Variants in SPRY3 observed in about 807,000 individuals in gnomAD.
SPRY3 encodes the protein protein sprouty homolog 3.
SPRY3 carries 15 observed loss-of-function variants against 20.2 expected under a neutral mutation model. The ratio of observed to expected loss-of-function variants is 0.74; its 90% CI spans 0.50 to 1.14. The LOEUF (loss-of-function observed/expected upper bound fraction) is 1.14. Among genes scored for constraint, SPRY3 ranks in the 50% most tolerant of loss-of-function variants. The pLI is 0.00. For missense variants in SPRY3, 364 were observed against 363.9 expected (o/e 1.00, Z 0.00); for synonymous variants, 143 against 136.5 (o/e 1.05, Z -0.33).
intron 2 of SPRY3, among the ~76,000 whole-genome samples, chrX:155,746,397 G>A (rs495324): frequency 0.54 from 81,833 of 151,624 alleles, 21,563 homozygotes; most frequent in African/African-American, 0.73. Flanking sequence ...TTAACTTTCT[G>A]ATATTGTTAA....
chrX:155,666,863 G>T (rs2068026033), intron 2 of SPRY3, among the ~76,000 whole-genome samples: 1 of 110,284 alleles, frequency 9.1e-6, no homozygotes, highest in Non-Finnish European at 1.9e-5. Flanking sequence ...CTTTGAGGAG[G>T]TTCAATATTT....
exon 4 of SPRY3, chrX:155,774,926 C>G (rs2091414352): frequency 1.5e-6 from 1 of 662,656 alleles, no homozygotes; most frequent in Non-Finnish European, 2.6e-6. Flanking sequence ...CTCACAGTAT[C>G]TATCCCACTC....
intron 3 of SPRY3, among the ~76,000 whole-genome samples, chrX:155,769,205 A>G (rs1297056147): frequency 6.6e-6 from 1 of 152,184 alleles, no homozygotes; most frequent in Admixed American, 6.5e-5. Flanking sequence ...AGGTCTCTCT[A>G]GCTGTGAAAC....
Position 155,682,855 on chromosome X carries a change from T to C in SPRY3, c.-282+25830T>C, listed in dbSNP as rs369187154. On this transcript the variant is annotated intron_variant, in intron 2 of 3. Transcript: ENST00000675360. ...ACATTCTAGATGGCATAAAGAATAT[T>C]CACGATTCATGAGTTGAAGTCAAAA... Among the ~76,000 whole-genome samples the C allele has an allele frequency of 4.5e-5, 5 of 112,149 alleles. No homozygotes were observed. The East Asian group carries it at 1.1e-3, about 25-fold the overall frequency.
chrX:155,740,785 C>T (rs306901), intron 2 of SPRY3, among the ~76,000 whole-genome samples: 18,955 of 146,388 alleles, frequency 0.13, 1,938 homozygotes, highest in African/African-American at 0.3. Flanking sequence ...CTCCTTTTTG[C>T]CCCTTGAATC....
At chrX:155,747,064 A>G (rs1426765290) in intron 2 of SPRY3, among the ~76,000 whole-genome samples, 1 of 151,950 alleles carries the variant, frequency 6.6e-6, no homozygotes, top group Non-Finnish European at 1.5e-5. Context: ...GAAGTATCGC[A>G]GAATTTTTCT....
intron 2 of SPRY3, among the ~76,000 whole-genome samples, chrX:155,705,333 A>G (rs2090942864): frequency 6.6e-6 from 1 of 151,378 alleles, no homozygotes; most frequent in African/African-American, 2.4e-5. Context: ...TTGAATGTGT[A>G]TCATAAACTC....
At chrX:155,647,434 T>C (rs2124541692) in intron 1 of SPRY3, among the ~76,000 whole-genome samples, 1 of 111,004 alleles carries the variant, frequency 9.0e-6, no homozygotes, top group Admixed American at 9.6e-5. Context: ...ATTAGGTATT[T>C]CTCCAAATGC....
intron 1 of SPRY3, among the ~76,000 whole-genome samples, chrX:155,634,201 C>T (rs1333457321): frequency 1.8e-5 from 2 of 111,513 alleles, no homozygotes; most frequent in African/African-American, 6.5e-5. Flanking sequence ...AGTGCCTAGC[C>T]TGCCAAGATA....
chrX:155,739,620 A>T (rs929998669), intron 2 of SPRY3, among the ~76,000 whole-genome samples: 2 of 152,176 alleles, frequency 1.3e-5, no homozygotes, highest in African/African-American at 2.4e-5. Context: ...GCCGGCTGCC[A>T]TCTTTGCTGT....
At chrX:155,655,547 T>G (rs1024532781) in intron 1 of SPRY3, among the ~76,000 whole-genome samples, 1 of 111,613 alleles carries the variant, frequency 9.0e-6, no homozygotes, top group Non-Finnish European at 1.9e-5. Flanking sequence ...GTGAGAGATA[T>G]GGGTCCAGGT....
chrX:155,727,383 T>A (rs184803314), intron 2 of SPRY3, among the ~76,000 whole-genome samples: 1 of 152,196 alleles, frequency 6.6e-6, no homozygotes, highest in African/African-American at 2.4e-5. Flanking sequence ...TCCTGGATGA[T>A]ATCCTGCAGA....
chrX:155,714,025 T>C (rs1316673381), intron 2 of SPRY3, among the ~76,000 whole-genome samples: 2 of 152,212 alleles, frequency 1.3e-5, no homozygotes, highest in African/African-American at 4.8e-5. Context: ...TTTTTAACTC[T>C]AGAATTTTTG....
At chrX:155,687,666 C>T (rs1023788934) in intron 2 of SPRY3, among the ~76,000 whole-genome samples, 4 of 112,126 alleles carry the variant, frequency 3.6e-5, no homozygotes, top group Non-Finnish European at 5.6e-5. Context: ...TTTACAATTT[C>T]ATGACTTTAA....
chrX:155,675,218 C>A (rs1420305359), intron 2 of SPRY3, among the ~76,000 whole-genome samples: 1 of 111,666 alleles, frequency 9.0e-6, no homozygotes, highest in Non-Finnish European at 1.9e-5. Context: ...GAAGGAACTG[C>A]AATACATCTT....
downstream of SPRY3, chrX:155,777,997 AT>A (rs1168905397): frequency 1.8e-5 from 3 of 166,956 alleles, no homozygotes. Context: ...TATTTTTAGC[AT>A]GTTATTTATA....
chrX:155,721,427 A>C (rs1441396155), intron 2 of SPRY3, among the ~76,000 whole-genome samples: 2 of 152,162 alleles, frequency 1.3e-5, no homozygotes, highest in Admixed American at 1.3e-4. Flanking sequence ...CTAGAGAAAG[A>C]TATCAATATC....
chrX:155,665,914 AT>A (rs782422611), intron 2 of SPRY3, among the ~76,000 whole-genome samples: 1 of 112,328 alleles, frequency 8.9e-6, no homozygotes, highest in East Asian at 2.8e-4. Flanking sequence ...TGTTTGAAAT[AT>A]TTCATAATTA....
At chrX:155,635,523 A>T (rs1375105566) in intron 1 of SPRY3, among the ~76,000 whole-genome samples, 1 of 112,146 alleles carries the variant, frequency 8.9e-6, no homozygotes, top group Non-Finnish European at 1.9e-5. Context: ...ACATGAAAAA[A>T]ACAAACAACC....
Sources: gnomAD v4.1 joint callset for allele counts (sites outside exome capture counted in the v4.1 genomes callset) on GRCh38, gnomAD v4.1.1 for gene constraint, MANE v1.5 for transcripts, NCBI Gene and HGNC (gene_info 2026-07-23, HGNC 2026-07-21) for gene names.